Variants in SLC13A4 observed in about 807,000 individuals in gnomAD.
The protein encoded by SLC13A4 is solute carrier family 13 member 4.
SLC13A4 carries 28 observed loss-of-function variants against 72.7 expected under a neutral mutation model. The observed-to-expected ratio is 0.39, with a 90% CI of 0.29 to 0.53. The LOEUF is 0.53. Among genes scored for constraint, SLC13A4 ranks in the 20% least tolerant of loss-of-function variants. The pLI is 0.78. For synonymous variants in SLC13A4, 312 were observed against 325.5 expected (o/e 0.96, Z 0.45); for missense variants, 653 against 788.0 (o/e 0.83, Z 2.05).
At chr7:135,724,530 GGAGA>G (rs10624974) in intron 1 of SLC13A4, among the ~76,000 whole-genome samples, 1 of 142,178 alleles carries the variant, frequency 7.0e-6, no homozygotes, top group Non-Finnish European at 1.5e-5. Context: ...AAAGAAGAAA[GGAGA>G]GAGAGAGAAA....
chr7:135,685,712 AAAGGAG>A (rs757859794), intron 13 of SLC13A4, 29 bp from the exon 14 acceptor site: 3 of 1,588,232 alleles, frequency 1.9e-6, no homozygotes, highest in Non-Finnish European at 1.7e-6. Flanking sequence ...CAGTAAGAAG[AAAGGAG>A]AAGAAGCACA....
chr7:135,723,075 A>T (rs879676187), intron 1 of SLC13A4, among the ~76,000 whole-genome samples: 2 of 152,186 alleles, frequency 1.3e-5, no homozygotes, highest in Admixed American at 1.3e-4. Flanking sequence ...ACAAGCAAAA[A>T]ACCATCTCTA....
intron 9 of SLC13A4, among the ~76,000 whole-genome samples, 177 bp from the exon 10 acceptor site, chr7:135,694,415 C>T (rs1795857811): frequency 2.0e-5 from 3 of 152,194 alleles, no homozygotes; most frequent in African/African-American, 7.2e-5. Flanking sequence ...GTTATCCGGC[C>T]TCTCATCAAC....
chr7:135,718,703 T>C (rs754072075), intron 2 of SLC13A4, among the ~76,000 whole-genome samples: 18 of 151,974 alleles, frequency 1.2e-4, no homozygotes, highest in African/African-American at 2.9e-4. Context: ...GAGAGAACTT[T>C]CCAAAGTGGA....
intron 1 of SLC13A4, among the ~76,000 whole-genome samples, chr7:135,725,966 G>A (rs1332822359): frequency 2.0e-5 from 3 of 152,010 alleles, no homozygotes; most frequent in Admixed American, 6.6e-5. Flanking sequence ...GAGACTCTGC[G>A]TCTACAAAAA....
chr7:135,695,394 C>A lies in SLC13A4; in HGVS notation c.993G>T (p.Trp331Cys), dbSNP rs1472244264. ...TGCAGCCCAGGAACAGCCAGTGCAT[C>A]CAGAACCAGCTGACCACCAGCATGA... is the stretch of plus-strand genomic sequence containing the variant. ...SLIMLVVSWF[W>C]MHWLFLGCNF... The change falls in exon 9 of 16, where the codon TGG becomes TGT. Residue 331 changes from tryptophan (W) to cysteine (C), a missense_variant. Coordinates refer to ENST00000682651, the MANE Select transcript of SLC13A4 (RefSeq NM_001318192.2). 1 of 1,614,076 alleles carries A rather than the reference C, an allele frequency of 6.2e-7. No homozygotes were observed.
At chr7:135,714,400 C>A (rs563105918) in intron 2 of SLC13A4, among the ~76,000 whole-genome samples, 1 of 152,172 alleles carries the variant, frequency 6.6e-6, no homozygotes, top group Non-Finnish European at 1.5e-5. Context: ...CTCTGAGCCA[C>A]GAGCCAAGGG....
intron 1 of SLC13A4, among the ~76,000 whole-genome samples, chr7:135,724,371 C>A (rs1796607491): frequency 6.6e-6 from 1 of 152,064 alleles, no homozygotes; most frequent in Non-Finnish European, 1.5e-5. Context: ...GTGGCACATG[C>A]CTGTAATCCT....
At position 135,708,197 on chromosome 7, in the gene SLC13A4, G is replaced by C. The variant is rs763035107; in HGVS notation, c.282C>G (p.Cys94Trp). ...NTTLLLVGVI[C>W]VAAAVEKWNL... Reference sequence around the variant, plus strand: ...TCCACTTCTCCACGGCAGCCGCCACGCAGATGACCCCCACCAGCAGCAGCG... The same window carrying C: ...TCCACTTCTCCACGGCAGCCGCCACCCAGATGACCCCCACCAGCAGCAGCG... Residue 94 changes from cysteine (C) to tryptophan (W), a missense_variant, in exon 3 of 16, where the codon TGC becomes TGG. Coordinates refer to ENST00000682651, the MANE Select transcript of SLC13A4 (RefSeq NM_001318192.2). 3 of 1,614,186 alleles carry C rather than the reference G, an allele frequency of 1.9e-6. No homozygotes were observed. The highest frequency in any genetic ancestry group is 2.5e-6 in the Non-Finnish European group (3 of 1,180,022).
chr7:135,713,168 T>G (rs182905436), intron 2 of SLC13A4, among the ~76,000 whole-genome samples: 1 of 152,294 alleles, frequency 6.6e-6, no homozygotes, highest in East Asian at 1.9e-4. Context: ...TTGTTAGAGT[T>G]TTTTGTAAAG....
intron 1 of SLC13A4, among the ~76,000 whole-genome samples, chr7:135,726,805 G>A (rs1426310466): frequency 3.9e-5 from 6 of 152,238 alleles, no homozygotes; most frequent in Non-Finnish European, 7.3e-5. Context: ...TGGGAGCAGG[G>A]CAGCCTGCTA....
At chr7:135,703,050 G>C in intron 5 of SLC13A4, 166 bp from the exon 6 acceptor site, 1 of 605,992 alleles carries the variant, frequency 1.7e-6, no homozygotes, top group East Asian at 2.8e-5. Flanking sequence ...TGCCTTCTGA[G>C]ATGCTGTAAG....
At chr7:135,695,121 C>T (rs550016056) in intron 9 of SLC13A4, among the ~76,000 whole-genome samples, 8 of 152,344 alleles carry the variant, frequency 5.3e-5, no homozygotes, top group Non-Finnish European at 1.0e-4. Context: ...GACAGGCTCT[C>T]TAACCATTTA....
At chr7:135,723,744 A>T (rs1311171873) in intron 1 of SLC13A4, among the ~76,000 whole-genome samples, 1 of 152,118 alleles carries the variant, frequency 6.6e-6, no homozygotes, top group East Asian at 1.9e-4. Context: ...GCTGGCAAGG[A>T]CCTTGTGCCC....
intron 2 of SLC13A4, among the ~76,000 whole-genome samples, chr7:135,711,669 T>C (rs1796306117): frequency 6.6e-6 from 1 of 152,192 alleles, no homozygotes; most frequent in Admixed American, 6.5e-5. Flanking sequence ...GTGAGCCGAC[T>C]GGAAACCCCC....
In SLC13A4 at chr7:135,684,244, A is replaced by G; in HGVS notation, c.1626T>C (p.Ile542=). The change falls in exon 15 of 16, where the codon ATT becomes ATC. Residue 542 remains isoleucine, a synonymous_variant. Coordinates refer to ENST00000682651, the MANE Select transcript of SLC13A4 (RefSeq NM_001318192.2). ...ILCSLSETLH[I]NPLYTLIPVT... ...CTGGGATCAGGGTGTAGAGGGGGTTAATGTGCAGCGTTTCAGACTAGAAGA... is the reference window on the plus strand; with the variant it reads ...CTGGGATCAGGGTGTAGAGGGGGTTGATGTGCAGCGTTTCAGACTAGAAGA... 6.2e-7 allele frequency: 1 copy of G among 1,608,518 alleles called. No individual in the cohort carries two copies. Among genetic ancestry groups the G allele is most frequent in the South Asian group, 1.1e-5 (1 of 90,162 alleles).
At chr7:135,681,883 T>C (rs1584711154) in intron 15 of SLC13A4, among the ~76,000 whole-genome samples, 183 bp from the exon 16 acceptor site, 1 of 152,298 alleles carries the variant, frequency 6.6e-6, no homozygotes, top group Non-Finnish European at 1.5e-5. Context: ...AAAGGGACAA[T>C]TAGAGTCATC....
intron 2 of SLC13A4, among the ~76,000 whole-genome samples, chr7:135,710,091 C>G (rs1413662349): frequency 1.3e-5 from 2 of 152,118 alleles, no homozygotes; most frequent in African/African-American, 2.4e-5. Flanking sequence ...ATAGAAAAGT[C>G]TAACTTCTAA....
In SLC13A4 at chr7:135,699,447, G is replaced by A; in HGVS notation, c.816C>T (p.Ser272=). 1.2e-6 allele frequency: 2 copies of A among 1,613,514 alleles called. No homozygotes were observed. The highest frequency in any genetic ancestry group is 1.7e-6 in the Non-Finnish European group (2 of 1,179,744). The change falls in exon 8 of 16, where the codon AGC becomes AGT. Residue 272 remains serine (S), a synonymous_variant. Coordinates refer to ENST00000682651, the MANE Select transcript of SLC13A4 (RefSeq NM_001318192.2). ...DQMICKCLSL[S]ISYSATIGGL... ...CGCCAATGGTAGCGGAGTAGGATAT[G>A]CTCAGGGAGAGGCACTTGCAGATCA... is the stretch of plus-strand genomic sequence containing the variant.
Sources: allele counts gnomAD v4.1 joint callset (sites outside exome capture counted in the v4.1 genomes callset), GRCh38; gene constraint gnomAD v4.1.1; transcripts MANE v1.5; gene names NCBI Gene and HGNC (gene_info 2026-07-23, HGNC 2026-07-21).